Variants in KIF7 observed in about 807,000 individuals in gnomAD.
The protein encoded by KIF7 is kinesin family member 7.
A neutral mutation model predicts 135.7 loss-of-function variants in KIF7; 104 were observed. The observed-to-expected ratio is 0.77, with a 90% confidence interval of 0.65 to 0.90. The LOEUF is 0.90. KIF7 is among the 40% of genes least tolerant of loss of function. The pLI is 0.00. For missense variants in KIF7, 2,005 were observed against 1,839.1 expected, an observed-to-expected ratio of 1.09 and a Z score of -1.65; for synonymous variants, 883 against 809.4, an observed-to-expected ratio of 1.09 and a Z score of -1.54.
At chr15:89,628,917 T>TCTAAG in intron 18 of KIF7, 59 bp downstream of exon 18, 1 of 1,613,252 alleles carries the variant, frequency 6.2e-7, no homozygotes, top group Non-Finnish European at 8.5e-7. Flanking sequence ...GAGAGTGGTC[T>TCTAAG]CTAAGCTTTC....
At chr15:89,649,999 A>G (rs1596079434) in intron 2 of KIF7, 58 bp from the exon 3 acceptor site, 1 of 1,511,590 alleles carries the variant, frequency 6.6e-7, no homozygotes, top group East Asian at 2.5e-5. Context: ...CATGGCCCCC[A>G]GGCCCGGAAG....
Position 89,652,957 on chromosome 15 carries a change from G to T in KIF7, c.-24-3C>A. On this transcript the variant is annotated splice_polypyrimidine_tract_variant and splice_region_variant and intron_variant, in intron 1 of 18. Coordinates refer to ENST00000394412, the MANE Select transcript of KIF7 (RefSeq NM_198525.3). ...CCGAGGGAGGACTGCTCTGGGCCCT[G>T]TGGAGAGAGAGAGAAGCCCTGGCCA... The T allele has an allele frequency of 6.8e-7, 1 of 1,471,152 alleles. No individual in the cohort carries two copies. Among genetic ancestry groups the T allele is most frequent in the Non-Finnish European group, 9.0e-7 (1 of 1,109,050 alleles). 91.1% of individuals were successfully genotyped at this position (1,471,152 alleles called of 1,614,324 possible). A position where few individuals can be genotyped will look rare whatever the true frequency, so the allele number is the denominator to read the frequency against.
chr15:89,631,970 G>A (rs1963688935), intron 14 of KIF7, among the ~76,000 whole-genome samples: 2 of 152,196 alleles, frequency 1.3e-5, no homozygotes, highest in South Asian at 4.1e-4. Context: ...CTCCTGGCAA[G>A]AACAGGCAAT....
chr15:89,649,162 G>A lies in KIF7; in HGVS notation c.735C>T (p.Val245=), dbSNP rs1203708392. The change falls in exon 4 of 19, where the codon GTC becomes GTT. Residue 245 remains valine, a synonymous_variant. Coordinates refer to ENST00000394412, the MANE Select transcript of KIF7 (RefSeq NM_198525.3). ...CCAGGTCCACGAAGTGGAACTTGGA[G>A]ACGAGCAGCTGGCCCGGGGCGGGGC... ...LPRPAPGQLL[V]SKFHFVDLAG... 6.5e-7 allele frequency: 1 copy of A among 1,548,104 alleles called. No individual in the cohort carries two copies. Among genetic ancestry groups the A allele is most frequent in the Non-Finnish European group, 8.7e-7 (1 of 1,146,734 alleles).
In KIF7 at chr15:89,645,921, GCTC is replaced by G. The variant is rs750610579; in HGVS notation, c.1891_1893del (p.Glu631del). On this transcript the variant is annotated inframe_deletion, in exon 8 of 19. Transcript: ENST00000394412. The stretch of plus-strand genomic sequence containing the variant: ...CGCAGGTGTAAGGTCCGCCTGGGCG[GCTC>G]CTCCTCCTCCTCTTCCTCCTCTGAA... 1.2e-5 allele frequency: 20 copies of G among 1,613,170 alleles called. No homozygotes were observed. The Admixed American group carries it at 1.5e-4, about 12-fold the overall frequency.
At chr15:89,640,311 AT>A (rs1963895426) in intron 11 of KIF7, among the ~76,000 whole-genome samples, 2 of 33,062 alleles carry the variant, frequency 6.0e-5, no homozygotes, top group Non-Finnish European at 4.5e-4. Context: ...ATTAAAAATA[AT>A]AATAATAATA....
intron 7 of KIF7, 99 bp downstream of exon 7, chr15:89,646,731 G>T: frequency 2.8e-6 from 3 of 1,081,732 alleles, no homozygotes; most frequent in Non-Finnish European, 4.3e-6. Context: ...TCCCATGAAA[G>T]CATGAGTGGG....
Position 89,652,915 on chromosome 15 carries a change from G to A in KIF7, c.16C>T (p.Gln6Ter), listed in dbSNP as rs1325798081. 6.6e-7 allele frequency: 1 copy of A among 1,525,566 alleles called. No homozygotes were observed. The highest frequency in any genetic ancestry group is 2.0e-5 in the Admixed American group (1 of 50,550). 94.5% of individuals were successfully genotyped at this position (1,525,566 alleles called of 1,614,324 possible). A position where few individuals can be genotyped will look rare whatever the true frequency, so the allele number is the denominator to read the frequency against. MGLEA[Q>*]RLPGAEEAPV... ...GCCTCCTCAGCCCCTGGCAGCCTCT[G>A]AGCCTCCAGCCCCATGCCGAGGGAG... Residue 6 changes from glutamine to a stop codon, truncating the protein, a stop_gained, in exon 2 of 19, where the codon CAG (glutamine) becomes TAG (stop). Coordinates refer to ENST00000394412, the MANE Select transcript of KIF7 (RefSeq NM_198525.3). LOFTEE classifies it high-confidence loss of function.
the KIF7 span, among the ~76,000 whole-genome samples, chr15:89,661,166 A>G: frequency 1.3e-5 from 2 of 152,224 alleles, no homozygotes; most frequent in Non-Finnish European, 2.9e-5. Context: ...TTAAAACTGA[A>G]TCCATTCTAA....
downstream of KIF7, chr15:89,627,755 C>T (rs1203802362): frequency 6.6e-6 from 1 of 152,606 alleles, no homozygotes; most frequent in East Asian, 1.9e-4. Context: ...CTGGGGAGAC[C>T]ATCACCTGGC....
At chr15:89,630,242 C>A in intron 16 of KIF7, 45 bp downstream of exon 16, 2 of 1,562,794 alleles carry the variant, frequency 1.3e-6, no homozygotes, top group Non-Finnish European at 1.8e-6. Flanking sequence ...CCTCCCCACA[C>A]GTGCCGCTGA....
At chr15:89,622,713 C>A (rs1467656753) in intron 1 of KIF7, among the ~76,000 whole-genome samples, 1 of 152,220 alleles carries the variant, frequency 6.6e-6, no homozygotes, top group Non-Finnish European at 1.5e-5. Flanking sequence ...GCTCCACCTC[C>A]CCAGCAACAT....
rs1963994626 is a variant in KIF7, at chr15:89,645,420, C to T, written c.1954G>A (p.Gly652Arg). 6.2e-7 allele frequency: 1 copy of T among 1,613,802 alleles called. No homozygotes were observed. The highest frequency in any genetic ancestry group is 1.3e-5 in the African/African-American group (1 of 74,934). ...NRISNCSQRAGARPGSLPERK... is the reference protein window; with the variant it reads ...NRISNCSQRARARPGSLPERK... ...TCTGGCAGACTCCCTGGGCGTGCCC[C>T]CGCCCTCTGACTGCAGTTGCTGATC... Residue 652 changes from glycine (G) to arginine (R), a missense_variant, in exon 9 of 19, where the codon GGG becomes AGG. Coordinates refer to ENST00000394412, the MANE Select transcript of KIF7 (RefSeq NM_198525.3).
chr15:89,645,999 C>T lies in KIF7; in HGVS notation c.1816G>A (p.Ala606Thr). 6.2e-7 allele frequency: 1 copy of T among 1,614,014 alleles called. No individual in the cohort carries two copies. Among genetic ancestry groups the T allele is most frequent in the Non-Finnish European group, 8.5e-7 (1 of 1,180,006 alleles). The change falls in exon 8 of 19, where the codon GCT (alanine) becomes ACT (threonine). Residue 606 changes from alanine (A) to threonine (T), a missense_variant. Transcript: ENST00000394412. ...CTGTTCACCTCAGTCAGCAACTCAG[C>T]TCCAGCCTCCCTGCCATTTGTCACC... The part of the protein sequence containing the change: ...EQVTNGREAG[A>T]ELLTEVNRLG...
At chr15:89,621,899 T>G (rs1046664736) in intron 1 of KIF7, among the ~76,000 whole-genome samples, 1 of 151,746 alleles carries the variant, frequency 6.6e-6, no homozygotes, top group African/African-American at 2.4e-5. Context: ...TCACCAACAT[T>G]AGAAACCTGG....
chr15:89,630,548 C>A, intron 15 of KIF7, 55 bp from the exon 16 acceptor site: 2 of 1,428,726 alleles, frequency 1.4e-6, no homozygotes, highest in Non-Finnish European at 1.9e-6. Flanking sequence ...ATGCTGAAGT[C>A]CTGGGCAGAC....
downstream of KIF7, chr15:89,624,511 G>A (rs761398530): frequency 8.7e-6 from 14 of 1,613,978 alleles, no homozygotes; most frequent in Admixed American, 1.8e-4. Context: ...GTGTCAGCCT[G>A]ATGCCTCCGC....
chr15:89,629,660 C>T, intron 16 of KIF7, 87 bp from the exon 17 acceptor site: 3 of 1,552,078 alleles, frequency 1.9e-6, no homozygotes, highest in South Asian at 2.3e-5. Flanking sequence ...TATTGGCACA[C>T]TTGCCACCAC....
Position 89,645,363 on chromosome 15 carries a change from A to G in KIF7, c.2011T>C (p.Leu671=). 1 of 1,613,780 alleles carries G rather than the reference A, an allele frequency of 6.2e-7. No homozygotes were observed. The highest frequency in any genetic ancestry group is 8.5e-7 in the Non-Finnish European group (1 of 1,179,884). ...RKGPELCLEE[L]DAAIPGSRAV... Reference sequence around the variant, plus strand: ...CTGGACCCTGGAATGGCTGCATCCAACTCCTCAAGGCAAAGCTCTGGGCCC... The same window carrying G: ...CTGGACCCTGGAATGGCTGCATCCAGCTCCTCAAGGCAAAGCTCTGGGCCC... The change falls in exon 9 of 19, where the codon TTG becomes CTG. Residue 671 remains leucine, a synonymous_variant. Coordinates refer to ENST00000394412, the MANE Select transcript of KIF7 (RefSeq NM_198525.3).
Sources: gnomAD v4.1 joint callset for allele counts (sites outside exome capture counted in the v4.1 genomes callset) on GRCh38, gnomAD v4.1.1 for gene constraint, MANE v1.5 for transcripts, NCBI Gene and HGNC (gene_info 2026-07-23, HGNC 2026-07-21) for gene names.